The following LAMC1 variants were observed in gnomAD, a reference collection of about 807,000 sequenced individuals.
The protein encoded by LAMC1 is laminin subunit gamma 1.
LAMC1 carries 38 observed loss-of-function variants against 173.6 expected under a neutral mutation model. The ratio of observed to expected loss-of-function variants is 0.22; its 90% CI spans 0.17 to 0.29. The LOEUF is 0.29. Ranked by LOEUF, LAMC1 falls within the 10% of genes least tolerant of loss-of-function variation. The pLI is 1.00. For missense variants in LAMC1, 1,824 were observed against 2,051.8 expected (o/e 0.89, Z 2.14); for synonymous variants, 746 against 749.1 (o/e 1.00, Z 0.07).
intron 1 of LAMC1, among the ~76,000 whole-genome samples, chr1:183,073,925 A>G (rs1346674810): frequency 1.3e-5 from 2 of 152,212 alleles, no homozygotes; most frequent in Non-Finnish European, 2.9e-5. Flanking sequence ...AGTGGCATAG[A>G]TTACATAGAT....
Position 183,116,858 on chromosome 1 carries a change from G to T in LAMC1, c.1519G>T (p.Ala507Ser). Residue 507 changes from alanine to serine, a missense_variant, in exon 8 of 28, where the codon GCT becomes TCT. Transcript: ENST00000258341. ...TGGGCATTCTTCTGTCTGTACAAAC[G>T]CTGTTGGCTACAGTGTTTATTCTAT... Reference protein sequence around the residue: ...CFGHSSVCTNAVGYSVYSISS... With the variant: ...CFGHSSVCTNSVGYSVYSISS... 6.2e-7 allele frequency: 1 copy of T among 1,613,800 alleles called. No individual in the cohort carries two copies.
chr1:183,051,832 T>C (rs1654434995), intron 1 of LAMC1, among the ~76,000 whole-genome samples: 1 of 152,194 alleles, frequency 6.6e-6, no homozygotes, highest in African/African-American at 2.4e-5. Flanking sequence ...AACCAAGTTA[T>C]CACAGGGATC....
intron 1 of LAMC1, among the ~76,000 whole-genome samples, chr1:183,073,186 A>G (rs542571768): frequency 1.1e-4 from 16 of 152,170 alleles, no homozygotes; most frequent in African/African-American, 3.1e-4. Context: ...ATTTACTTCT[A>G]TATGTTGCTG....
intron 1 of LAMC1, among the ~76,000 whole-genome samples, chr1:183,052,648 T>G (rs1281478502): frequency 6.6e-6 from 1 of 152,168 alleles, no homozygotes; most frequent in Non-Finnish European, 1.5e-5. Context: ...TAACTTTCTT[T>G]TTCTTACATT....
chr1:183,089,698 C>A (rs1270439515), intron 1 of LAMC1, among the ~76,000 whole-genome samples: 2 of 152,126 alleles, frequency 1.3e-5, no homozygotes, highest in Admixed American at 1.3e-4. Context: ...TAATTTAGAT[C>A]GACTTCTGAT....
chr1:183,103,404 C>T lies in LAMC1; in HGVS notation c.495C>T (p.Arg165=), dbSNP rs1243161376. Residue 165 remains arginine, a synonymous_variant, in exon 2 of 28, where the codon CGC becomes CGT. Transcript: ENST00000258341. Reference sequence around the variant, plus strand: ...CGGAGAGCTTTGCCATTTACAAGCGCACACGGGAAGACGGGCCCTGGATTC... The same window carrying T: ...CGGAGAGCTTTGCCATTTACAAGCGTACACGGGAAGACGGGCCCTGGATTC... ...SRPESFAIYK[R]TREDGPWIPY... is the part of the protein sequence containing the mutation. 2 of 1,614,184 alleles carry T rather than the reference C, an allele frequency of 1.2e-6. No homozygotes were observed. The highest frequency in any genetic ancestry group is 1.7e-6 in the Non-Finnish European group (2 of 1,180,032).
At chr1:183,129,714 A>G (rs1016214196) in intron 18 of LAMC1, among the ~76,000 whole-genome samples, 1 of 152,152 alleles carries the variant, frequency 6.6e-6, no homozygotes, top group Non-Finnish European at 1.5e-5. Context: ...ACTTATATTT[A>G]TCTTTTGATT....
At position 183,069,263 on chromosome 1, in the gene LAMC1, A is replaced by G. The variant is rs189640579; in HGVS notation, c.419-34065A>G. On this transcript the variant is annotated intron_variant, in intron 1 of 27. Coordinates refer to ENST00000258341, the MANE Select transcript of LAMC1 (RefSeq NM_002293.4). ...ACAGCCTTGTGTATGTCTGGGAACAATAAATAGGGAGTTTCATTATCACTG... is the reference window on the plus strand; with the variant it reads ...ACAGCCTTGTGTATGTCTGGGAACAGTAAATAGGGAGTTTCATTATCACTG... Among the ~76,000 whole-genome samples, 9 of 152,338 alleles carry G rather than the reference A, an allele frequency of 5.9e-5. 1 individual carries two copies. Among genetic ancestry groups the G allele is most frequent in the Admixed American group, 4.6e-4 (7 of 15,300 alleles).
At chr1:183,077,904 C>T (rs1175392272) in intron 1 of LAMC1, among the ~76,000 whole-genome samples, 1 of 151,352 alleles carries the variant, frequency 6.6e-6, no homozygotes. Context: ...CTAGCTCTTA[C>T]CAGTTTTCTC....
intron 1 of LAMC1, among the ~76,000 whole-genome samples, chr1:183,062,054 A>T (rs1269688953): frequency 6.6e-6 from 1 of 152,240 alleles, no homozygotes; most frequent in Non-Finnish European, 1.5e-5. Context: ...ATCCCATGAA[A>T]TCAGACTCCC....
At chr1:183,049,388 A>G (rs184414259) in intron 1 of LAMC1, among the ~76,000 whole-genome samples, 11 of 152,230 alleles carry the variant, frequency 7.2e-5, no homozygotes, top group Admixed American at 2.0e-4. Flanking sequence ...TTATCTACAG[A>G]GGTTGTGTCA....
chr1:183,097,472 G>A (rs1166669096), intron 1 of LAMC1, among the ~76,000 whole-genome samples: 1 of 152,062 alleles, frequency 6.6e-6, no homozygotes, highest in Non-Finnish European at 1.5e-5. Flanking sequence ...TTGCAATTTT[G>A]TAAAATTCTA....
At position 183,064,978 on chromosome 1, in the gene LAMC1, G is replaced by A. The variant is rs73051755; in HGVS notation, c.419-38350G>A. Among the ~76,000 whole-genome samples, 1,401 of 152,064 alleles carry A rather than the reference G, an allele frequency of 9.2e-3. 15 individuals carry two copies. The highest frequency in any genetic ancestry group is 0.032 in the African/African-American group (1,333 of 41,498). On this transcript the variant is annotated intron_variant, in intron 1 of 27. Transcript: ENST00000258341. ...CTAGACATGCCAGTTAACCTAAAGT[G>A]CACATATTTGGGATGTGCACATGGG...
chr1:183,120,167 C>CAA (rs55642592), intron 11 of LAMC1, among the ~76,000 whole-genome samples: 22,870 of 64,280 alleles, frequency 0.36, 4,634 homozygotes, highest in East Asian at 0.48. Flanking sequence ...GGATCTATCT[C>CAA]AAAAAAAAAA....
intron 1 of LAMC1, among the ~76,000 whole-genome samples, chr1:183,049,825 CA>C (rs11320106): frequency 0.39 from 58,068 of 147,164 alleles, 11,411 homozygotes; most frequent in East Asian, 0.5. Flanking sequence ...CAAACTAAAA[CA>C]AAAAAAAAAA....
chr1:183,101,112 C>T (rs1348173249), intron 1 of LAMC1, among the ~76,000 whole-genome samples: 1 of 151,942 alleles, frequency 6.6e-6, no homozygotes, highest in African/African-American at 2.4e-5. Context: ...AGTCTGCTGC[C>T]GTTGGGTTGC....
At chr1:183,074,285 A>G (rs950153352) in intron 1 of LAMC1, among the ~76,000 whole-genome samples, 5 of 152,212 alleles carry the variant, frequency 3.3e-5, no homozygotes, top group African/African-American at 1.2e-4. Context: ...CTTGAGTTTT[A>G]GGGACGTACA....
At chr1:183,059,419 G>T (rs1367971849) in intron 1 of LAMC1, among the ~76,000 whole-genome samples, 3 of 152,170 alleles carry the variant, frequency 2.0e-5, no homozygotes, top group African/African-American at 7.2e-5. Flanking sequence ...TACATGGAAG[G>T]CTGAGGCAGG....
intron 27 of LAMC1, chr1:183,141,169 T>C (rs1034973484): frequency 1.3e-5 from 2 of 152,106 alleles, no homozygotes; most frequent in African/African-American, 4.8e-5. Context: ...TTTTAAAAAT[T>C]AGCTGGGTGT....
Sources: gnomAD v4.1 joint callset for allele counts (sites outside exome capture counted in the v4.1 genomes callset) on GRCh38, gnomAD v4.1.1 for gene constraint, MANE v1.5 for transcripts, NCBI Gene and HGNC (gene_info 2026-07-23, HGNC 2026-07-21) for gene names.